GLOD4: variants seen among roughly 807,000 people sequenced by gnomAD.
GLOD4 encodes glyoxalase domain-containing protein 4.
Under a neutral mutation model 39.1 loss-of-function variants are expected in GLOD4, and 44 were observed. That is an observed-to-expected ratio of 1.13 (90% CI 0.88 to 1.45). GLOD4 has a LOEUF of 1.45. Ranked by LOEUF, GLOD4 falls within the 40% of genes most tolerant of loss-of-function variation. The pLI is 0.00. For synonymous variants in GLOD4, 145 were observed against 135.0 expected, an observed-to-expected ratio of 1.07 and a Z score of -0.52; for missense variants, 405 against 366.4, an observed-to-expected ratio of 1.11 and a Z score of -0.86.
intron 4 of GLOD4, among the ~76,000 whole-genome samples, chr17:772,800 C>T (rs527498773): frequency 9.3e-4 from 141 of 152,156 alleles, no homozygotes; most frequent in African/African-American, 3.2e-3. Context: ...TAGAGACCAT[C>T]CTGGCTAACA....
chr17:783,032 T>C, upstream of GLOD4: 1 of 1,558,874 alleles, frequency 6.4e-7, no homozygotes, highest in South Asian at 1.2e-5. Context: ...CGTGTCTCAG[T>C]AACAAGGATG....
chr17:779,907 G>A (rs1004198443), intron 1 of GLOD4, among the ~76,000 whole-genome samples: 3 of 152,292 alleles, frequency 2.0e-5, no homozygotes, highest in African/African-American at 7.2e-5. Flanking sequence ...GCTCACGCCT[G>A]TAATCCCAGC....
At chr17:780,835 T>C (rs1909803111) in intron 1 of GLOD4, 1 of 154,116 alleles carries the variant, frequency 6.5e-6, no homozygotes, top group Non-Finnish European at 1.5e-5. Flanking sequence ...CCTTCTTTTG[T>C]ATTTTTATAA....
chr17:782,726 G>C (rs1468661106), upstream of GLOD4: 1 of 1,562,524 alleles, frequency 6.4e-7, no homozygotes, highest in Non-Finnish European at 8.7e-7. Context: ...GAATGTTCTC[G>C]TTTCCCTTCC....
In GLOD4 at chr17:770,421, C is replaced by T. The variant is rs750127179; in HGVS notation, c.630G>A (p.Glu210=). The part of the protein sequence containing the change: ...GRIAFSCPQK[E]LPDLEDLMKR... ...CAAACGATCTGGTATCAAGCGTTACCTCTTTCTGGGGGCAAGAGAAGGCAA... is the reference window on the plus strand; with the variant it reads ...CAAACGATCTGGTATCAAGCGTTACTTCTTTCTGGGGGCAAGAGAAGGCAA... The change falls in exon 6 of 9, where the codon GAG becomes GAA. Residue 210 remains glutamate (E), a splice_region_variant and synonymous_variant. Transcript: ENST00000301329. 2 of 1,495,018 alleles carry T rather than the reference C, an allele frequency of 1.3e-6. No homozygotes were observed. Among genetic ancestry groups the T allele is most frequent in the South Asian group, 2.3e-5 (2 of 88,766 alleles). 92.6% of individuals were successfully genotyped at this position (1,495,018 alleles called of 1,614,324 possible). A position where few individuals can be genotyped will look rare whatever the true frequency, so the allele number is the denominator to read the frequency against.
At chr17:775,975 C>T in intron 3 of GLOD4, 56 bp from the exon 4 acceptor site, 1 of 1,484,032 alleles carries the variant, frequency 6.7e-7, no homozygotes, top group East Asian at 2.3e-5. Flanking sequence ...TTTTACAGAA[C>T]AAGACAATGA....
chr17:782,435 C>A, upstream of GLOD4: 2 of 1,614,016 alleles, frequency 1.2e-6, no homozygotes, highest in Non-Finnish European at 1.7e-6. Context: ...TGCAGGTGGT[C>A]CAGGCTTGGG....
At chr17:769,787 C>G in intron 8 of GLOD4, 82 bp downstream of exon 8, 1 of 878,218 alleles carries the variant, frequency 1.1e-6, no homozygotes, top group Non-Finnish European at 1.9e-6. Flanking sequence ...AACCTGGACC[C>G]TGTTGCTTAG....
At chr17:761,396 A>C (rs1467050231) in intron 8 of GLOD4, among the ~76,000 whole-genome samples, 1 of 152,256 alleles carries the variant, frequency 6.6e-6, no homozygotes, top group Non-Finnish European at 1.5e-5. Context: ...TTTAAAAATC[A>C]AAGATATGCT....
rs756472020 is a variant in GLOD4 at position 782,243 on chromosome 17, T to C, written c.13A>G (p.Arg5Gly). Residue 5 changes from arginine (R) to glycine (G), a missense_variant, in exon 1 of 9, where the codon AGA becomes GGA. Physicochemically the swap from Arg to Gly is moderately radical, Grantham distance 125 (BLOSUM62 -2). Transcript: ENST00000301329. Reference sequence around the variant, plus strand: ...ACTTTGAATACGAAGTGCAGAGCTCTGCGAGCAGCCATGATTCCCGCCGCA... The same window carrying C: ...ACTTTGAATACGAAGTGCAGAGCTCCGCGAGCAGCCATGATTCCCGCCGCA... MAAR[R>G]ALHFVFKVGN... The C allele has an allele frequency of 1.1e-5, 17 of 1,613,350 alleles. No homozygotes were observed. The South Asian group carries it at 1.8e-4, about 17-fold the overall frequency.
chr17:763,000 C>G (rs1905784125), intron 8 of GLOD4, among the ~76,000 whole-genome samples: 1 of 151,702 alleles, frequency 6.6e-6, no homozygotes, highest in Non-Finnish European at 1.5e-5. Flanking sequence ...CACGGTGAAA[C>G]CCCGTCTCTA....
intron 1 of GLOD4, among the ~76,000 whole-genome samples, chr17:780,228 CA>C (rs984827811): frequency 9.9e-5 from 15 of 151,726 alleles, no homozygotes; most frequent in African/African-American, 3.4e-4. Flanking sequence ...TTAATAACAC[CA>C]AAAAAGCACA....
intron 1 of GLOD4, among the ~76,000 whole-genome samples, chr17:779,093 C>T (rs930117155): frequency 6.6e-6 from 1 of 151,702 alleles, no homozygotes; most frequent in Non-Finnish European, 1.5e-5. Flanking sequence ...GGTGGGTGGA[C>T]TGCCTGAGGT....
rs752092059 is a variant in GLOD4 at position 782,157 on chromosome 17, G to A, written c.90+9C>T. Reference sequence around the variant, plus strand: ...TCGCGCGCCAGCCCCTGTCGGCCCCGGCCTGCACCTTCATCCCCAGGACGT... The same window carrying A: ...TCGCGCGCCAGCCCCTGTCGGCCCCAGCCTGCACCTTCATCCCCAGGACGT... On this transcript the variant is annotated intron_variant, in intron 1 of 8. Transcript: ENST00000301329. 1.4e-5 allele frequency: 23 copies of A among 1,589,048 alleles called. No homozygotes were observed. The highest frequency in any genetic ancestry group is 1.1e-5 in the Non-Finnish European group (13 of 1,163,962).
intron 1 of GLOD4, among the ~76,000 whole-genome samples, chr17:779,936 G>A (rs1205987646): frequency 1.3e-5 from 2 of 152,128 alleles, no homozygotes; most frequent in East Asian, 1.9e-4. Context: ...AGGCCGAGGT[G>A]GGTGGATCAT....
chr17:780,089 A>G (rs922342053), intron 1 of GLOD4, among the ~76,000 whole-genome samples: 2 of 151,798 alleles, frequency 1.3e-5, no homozygotes, highest in African/African-American at 2.4e-5. Flanking sequence ...GTGTGAACCC[A>G]GGAGGCGGAG....
intron 8 of GLOD4, among the ~76,000 whole-genome samples, chr17:761,356 T>G (rs1054571910): frequency 4.3e-4 from 66 of 152,258 alleles, no homozygotes; most frequent in African/African-American, 1.5e-3. Flanking sequence ...CTTAGTACTA[T>G]CTGATTTATT....
chr17:761,025 ACACT>A (rs1905329643), intron 8 of GLOD4, among the ~76,000 whole-genome samples: 1 of 152,352 alleles, frequency 6.6e-6, no homozygotes, highest in African/African-American at 2.4e-5. Context: ...GTAAGGACAA[ACACT>A]CATTTATGTA....
At chr17:777,279 C>A in intron 2 of GLOD4, 1 of 413,154 alleles carries the variant, frequency 2.4e-6, no homozygotes, top group Non-Finnish European at 4.5e-6. Context: ...CTGTTATTTC[C>A]TTGACTATCA....
Sources: allele counts gnomAD v4.1 joint callset (sites outside exome capture counted in the v4.1 genomes callset), GRCh38; gene constraint gnomAD v4.1.1; transcripts MANE v1.5; gene names NCBI Gene and HGNC (gene_info 2026-07-23, HGNC 2026-07-21).